Variants in KCTD3 observed in about 807,000 individuals in gnomAD.
KCTD3 encodes the protein potassium channel tetramerization domain containing 3.
KCTD3 carries 41 observed loss-of-function variants against 85.8 expected under a neutral mutation model. The observed-to-expected ratio is 0.48, with a 90% CI of 0.37 to 0.62. The LOEUF is 0.62. KCTD3 is among the 20% of genes least tolerant of loss of function. The pLI, the probability that KCTD3 is intolerant of heterozygous loss-of-function variation, is 0.00. For synonymous variants in KCTD3, 338 were observed against 345.4 expected, an observed-to-expected ratio of 0.98 and a Z score of 0.24; for missense variants, 724 against 989.9, an observed-to-expected ratio of 0.73 and a Z score of 3.60.
chr1:215,592,000 T>C (rs1019143729), intron 9 of KCTD3, among the ~76,000 whole-genome samples: 6 of 152,160 alleles, frequency 3.9e-5, no homozygotes, highest in African/African-American at 1.4e-4. Flanking sequence ...TCACATCTTA[T>C]GTGGATGGCA....
At chr1:215,586,791 T>A in intron 9 of KCTD3, 106 bp downstream of exon 9, 1 of 845,732 alleles carries the variant, frequency 1.2e-6, no homozygotes, top group Non-Finnish European at 1.8e-6. Flanking sequence ...GTCAGTTAGC[T>A]AGAGCTGTCA....
intron 15 of KCTD3, among the ~76,000 whole-genome samples, chr1:215,613,256 C>A (rs911426962): frequency 2.2e-4 from 34 of 152,268 alleles, no homozygotes; most frequent in African/African-American, 8.2e-4. Flanking sequence ...CGGAGTCTTG[C>A]TCTTTTGCCA....
chr1:215,572,052 G>A (rs566964833), intron 1 of KCTD3, among the ~76,000 whole-genome samples: 1 of 152,320 alleles, frequency 6.6e-6, no homozygotes, highest in South Asian at 2.1e-4. Context: ...CTGACACTGA[G>A]ACTGATACTG....
At position 215,608,111 on chromosome 1, in the gene KCTD3, C is replaced by T; in HGVS notation, c.1404C>T (p.Phe468=). Reference sequence around the variant, plus strand: ...CAGGTTCTACTCCTTTAGCGTCATTCAAGATACTATCCCTGGAGGAGACAG... The same window carrying T: ...CAGGTTCTACTCCTTTAGCGTCATTTAAGATACTATCCCTGGAGGAGACAG... The part of the protein sequence containing the change: ...TQPGSTPLAS[F]KILSLEETES... The change falls in exon 14 of 18, where the codon TTC becomes TTT. Residue 468 remains phenylalanine, a synonymous_variant. Coordinates refer to ENST00000259154, the MANE Select transcript of KCTD3 (RefSeq NM_016121.5). The T allele has an allele frequency of 6.2e-7, 1 of 1,612,060 alleles. No individual in the cohort carries two copies. The highest frequency in any genetic ancestry group is 1.1e-5 in the South Asian group (1 of 91,004).
chr1:215,615,038 T>C (rs1052943708), intron 15 of KCTD3, among the ~76,000 whole-genome samples: 5 of 152,158 alleles, frequency 3.3e-5, no homozygotes, highest in Non-Finnish European at 7.4e-5. Flanking sequence ...GATATCCCCC[T>C]TTCTGTTATT....
intron 10 of KCTD3, among the ~76,000 whole-genome samples, 157 bp downstream of exon 10, chr1:215,595,628 A>C (rs774841953): frequency 1.3e-5 from 2 of 152,132 alleles, no homozygotes; most frequent in Non-Finnish European, 2.9e-5. Flanking sequence ...TGCATATTTG[A>C]GCATATTTTC....
At chr1:215,588,150 A>G (rs1052077774) in intron 9 of KCTD3, among the ~76,000 whole-genome samples, 5 of 152,102 alleles carry the variant, frequency 3.3e-5, no homozygotes, top group African/African-American at 7.2e-5. Flanking sequence ...AGTTCTGCCA[A>G]ACACCCAATT....
intron 13 of KCTD3, among the ~76,000 whole-genome samples, chr1:215,606,815 T>C (rs568052907): frequency 3.1e-4 from 47 of 152,142 alleles, no homozygotes; most frequent in Non-Finnish European, 1.2e-4. Context: ...GTTTTCCCTA[T>C]AGTGCATTTT....
chr1:215,574,185 GT>G, intron 3 of KCTD3, 67 bp downstream of exon 3: 1 of 897,036 alleles, frequency 1.1e-6, no homozygotes, highest in Non-Finnish European at 1.7e-6. Flanking sequence ...CTAACATATA[GT>G]TACTCTAAGA....
In KCTD3 at chr1:215,576,092, G is replaced by C. The variant is rs1036995815; in HGVS notation, c.257+118G>C. 3 of 631,682 alleles carry C rather than the reference G, an allele frequency of 4.7e-6. No homozygotes were observed. The African/African-American group carries it at 5.8e-5, about 12-fold the overall frequency. The allele number at this position is 631,682 out of a possible 1,614,324, so 39.1% of individuals were successfully genotyped here. A position where few individuals can be genotyped will look rare whatever the true frequency, so the allele number is the denominator to read the frequency against. On this transcript the variant is annotated intron_variant, in intron 4 of 17. Transcript: ENST00000259154. ...TTTTTTTTCCTTGAGTTGCAGTCTT[G>C]CTCTGTTGCCCAGGCTGGAGTGCAG...
In KCTD3 at chr1:215,581,589, C is replaced by T. The variant is rs3753838; in HGVS notation, c.626+1590C>T. 5.9e-3 allele frequency among the ~76,000 whole-genome samples: 898 copies of T among 152,282 alleles called. 21 individuals carry two copies. In the South Asian group the frequency reaches 0.066, roughly 11 times the overall value. ...TACTAAAGATTGCTCTTTTCCAGAA[C>T]CACCACATTATTACGCAAAATTTAA... On this transcript the variant is annotated intron_variant, in intron 8 of 17. Coordinates refer to ENST00000259154, the MANE Select transcript of KCTD3 (RefSeq NM_016121.5).
At position 215,579,081 on chromosome 1, in the gene KCTD3, G is replaced by A. The variant is rs758084276; in HGVS notation, c.479G>A (p.Arg160Gln). 40 of 1,598,662 alleles carry A rather than the reference G, an allele frequency of 2.5e-5. 1 individual carries two copies. Among genetic ancestry groups the A allele is most frequent in the South Asian group, 6.8e-5 (6 of 88,002 alleles). ...CTAAATTCTACAGAAGGTGAAGCCC[G>A]GGGAAATGGTACACAGCCTGTTCTC... Reference protein sequence around the residue: ...NGLNSTEGEARGNGTQPVLSG... With the variant: ...NGLNSTEGEAQGNGTQPVLSG... The change falls in exon 7 of 18, where the codon CGG becomes CAG. Residue 160 changes from arginine to glutamine, a missense_variant. Physicochemically the swap from Arg to Gln is conservative, Grantham distance 43. Around this residue, in one of 6 missense-constraint regions of KCTD3, gnomAD observed 106 missense variants for 98.2 expected, o/e 1.08. Transcript: ENST00000259154.
intron 9 of KCTD3, among the ~76,000 whole-genome samples, chr1:215,594,355 G>A (rs1010331811): frequency 2.0e-5 from 3 of 152,130 alleles, no homozygotes; most frequent in Admixed American, 1.3e-4. Context: ...CCGCACCAAG[G>A]TGAGCCTAGA....
chr1:215,573,766 C>T lies in KCTD3; in HGVS notation c.84-20C>T. On this transcript the variant is annotated intron_variant, in intron 1 of 17. Transcript: ENST00000259154. ...CAAATCATGTTCTCACTTATAATACCAGATGATTTTTAATTGCAGATTTAG... is the reference window on the plus strand; with the variant it reads ...CAAATCATGTTCTCACTTATAATACTAGATGATTTTTAATTGCAGATTTAG... The T allele has an allele frequency of 6.8e-7, 1 of 1,464,608 alleles. No individual in the cohort carries two copies. Among genetic ancestry groups the T allele is most frequent in the Non-Finnish European group, 9.4e-7 (1 of 1,061,308 alleles). 90.7% of individuals were successfully genotyped at this position (1,464,608 alleles called of 1,614,324 possible).
In KCTD3 at chr1:215,580,225, G is replaced by A. The variant is rs988604901; in HGVS notation, c.626+226G>A. On this transcript the variant is annotated intron_variant, in intron 8 of 17. Coordinates refer to ENST00000259154, the MANE Select transcript of KCTD3 (RefSeq NM_016121.5). ...CTTTATCTGTTGTAAACATTTAGCA[G>A]ACAAGTGTGAATTGTCATGTAACTG... Among the ~76,000 whole-genome samples the A allele has an allele frequency of 5.9e-5, 9 of 152,250 alleles. 1 individual carries two copies. The highest frequency in any genetic ancestry group is 4.6e-4 in the Admixed American group (7 of 15,288).
intron 9 of KCTD3, among the ~76,000 whole-genome samples, chr1:215,588,269 A>G (rs540044292): frequency 1.3e-5 from 2 of 152,228 alleles, no homozygotes; most frequent in Non-Finnish European, 2.9e-5. Context: ...ACATAGCCAT[A>G]GTACTTAGTC....
chr1:215,605,601 G>T (rs1291390078), intron 13 of KCTD3, among the ~76,000 whole-genome samples: 4 of 152,062 alleles, frequency 2.6e-5, no homozygotes, highest in Non-Finnish European at 5.9e-5. Context: ...TATATCCAGT[G>T]TCTGGATCTC....
At chr1:215,569,185 G>T (rs1197240560) in intron 1 of KCTD3, among the ~76,000 whole-genome samples, 1 of 149,774 alleles carries the variant, frequency 6.7e-6, no homozygotes, top group Admixed American at 6.7e-5. Context: ...GCAGTGGCGC[G>T]ATCTCGGCTC....
chr1:215,613,056 T>C (rs1400554707), intron 15 of KCTD3, among the ~76,000 whole-genome samples: 1 of 152,080 alleles, frequency 6.6e-6, no homozygotes, highest in Admixed American at 6.6e-5. Context: ...ACCTAGGTGA[T>C]GGGTTGATCT....
Sources: gnomAD v4.1 joint callset for allele counts (sites outside exome capture counted in the v4.1 genomes callset) on GRCh38, gnomAD v4.1.1 for gene constraint, gnomAD v4.1.1 regional missense constraint, MANE v1.5 for transcripts, NCBI Gene and HGNC (gene_info 2026-07-23, HGNC 2026-07-21) for gene names.